PRUNE2: variants seen among roughly 807,000 people sequenced by gnomAD.
PRUNE2 encodes protein prune homolog 2.
A neutral mutation model predicts 252.0 loss-of-function variants in PRUNE2; 164 were observed. The ratio of observed to expected loss-of-function variants is 0.65; its 90% confidence interval spans 0.57 to 0.74. The LOEUF is 0.74. Among genes scored for constraint, PRUNE2 ranks in the 30% least tolerant of loss-of-function variants. The pLI, the probability that PRUNE2 is intolerant of heterozygous loss-of-function variation, is 0.00. For synonymous variants in PRUNE2, 1,292 were observed against 1,350.2 expected (o/e 0.96, Z 0.94); for missense variants, 3,495 against 3,711.0 (o/e 0.94, Z 1.51).
At chr9:76,700,428 T>C (rs2045781967) in intron 9 of PRUNE2, among the ~76,000 whole-genome samples, 1 of 152,172 alleles carries the variant, frequency 6.6e-6, no homozygotes, top group South Asian at 2.1e-4. Context: ...GCTATCTCAT[T>C]GTTTTGCTTC....
intron 6 of PRUNE2, among the ~76,000 whole-genome samples, chr9:76,791,903 C>T (rs1455493837): frequency 1.3e-5 from 2 of 152,036 alleles, no homozygotes; most frequent in South Asian, 2.1e-4. Context: ...GGGAGAGATG[C>T]TGGTAGGACC....
intron 6 of PRUNE2, among the ~76,000 whole-genome samples, chr9:76,820,839 C>T (rs1197925210): frequency 6.6e-6 from 1 of 152,136 alleles, no homozygotes; most frequent in Non-Finnish European, 1.5e-5. Context: ...AGCTAAGTGG[C>T]TTTGCTTTCC....
chr9:76,724,861 T>C (rs939185878), intron 6 of PRUNE2, among the ~76,000 whole-genome samples: 1 of 152,292 alleles, frequency 6.6e-6, no homozygotes, highest in South Asian at 2.1e-4. Context: ...AAGGGCCCCT[T>C]TTTGTTTCTG....
At chr9:76,716,444 T>C (rs2047159249) in intron 6 of PRUNE2, among the ~76,000 whole-genome samples, 1 of 152,312 alleles carries the variant, frequency 6.6e-6, no homozygotes, top group East Asian at 1.9e-4. Context: ...TTGATATATT[T>C]TCCTACAAAC....
At chr9:76,636,076 T>A (rs758293740) in intron 15 of PRUNE2, among the ~76,000 whole-genome samples, 4 of 152,232 alleles carry the variant, frequency 2.6e-5, no homozygotes, top group Non-Finnish European at 5.9e-5. Context: ...AGACATGATA[T>A]GGCTTCTGTT....
chr9:76,662,957 C>T (rs1465146888), intron 9 of PRUNE2, among the ~76,000 whole-genome samples: 4 of 152,258 alleles, frequency 2.6e-5, no homozygotes, highest in South Asian at 4.1e-4. Context: ...CAAACAAAAC[C>T]TTTCATGAGG....
chr9:76,810,621 A>C (rs547612401), intron 6 of PRUNE2, among the ~76,000 whole-genome samples: 30 of 152,356 alleles, frequency 2.0e-4, no homozygotes, highest in Admixed American at 1.5e-3. Flanking sequence ...ATGTCAATTA[A>C]GCAACAGTAA....
intron 9 of PRUNE2, among the ~76,000 whole-genome samples, chr9:76,670,504 T>G (rs1461586227): frequency 5.3e-5 from 8 of 151,706 alleles, no homozygotes; most frequent in Non-Finnish European, 7.4e-5. Flanking sequence ...CAGGCTTGAT[T>G]AGGTAAACAA....
chr9:76,787,330 A>G (rs1046864256), intron 6 of PRUNE2: 1 of 151,678 alleles, frequency 6.6e-6, no homozygotes, highest in Non-Finnish European at 1.5e-5. Context: ...TATAGTATCA[A>G]TTTATTTGAT....
At chr9:76,641,984 T>C in intron 12 of PRUNE2, 1 of 1,388,048 alleles carries the variant, frequency 7.2e-7, no homozygotes, top group Non-Finnish European at 9.5e-7. Flanking sequence ...GAATCTCCTA[T>C]AATGAAATAA....
intron 5 of PRUNE2, among the ~76,000 whole-genome samples, chr9:76,824,658 G>A (rs553578318): frequency 7.9e-5 from 12 of 152,250 alleles, no homozygotes; most frequent in South Asian, 6.2e-4. Context: ...ACATTATTAC[G>A]TCTGATTAGG....
At position 76,708,199 on chromosome 9, in the gene PRUNE2, C is replaced by CT; in HGVS notation, c.4074dup (p.Gly1359ArgfsTer4). ...GAAGACAGTTCCTGGTCACTCTGCC[C>CT]TTTTTCAGAAATCCCTGAGGCATTC... On this transcript the variant is annotated frameshift_variant, in exon 8 of 19. Transcript: ENST00000376718. LOFTEE classifies it high-confidence loss of function. 1 of 1,613,970 alleles carries CT rather than the reference C, an allele frequency of 6.2e-7. No individual in the cohort carries two copies. Among genetic ancestry groups the CT allele is most frequent in the Middle Eastern group, 1.6e-4 (1 of 6,062 alleles).
rs2046323853 is a variant in PRUNE2, at chr9:76,706,491, A to G, written c.5783T>C (p.Leu1928Ser). 1.2e-6 allele frequency: 2 copies of G among 1,613,846 alleles called. No individual in the cohort carries two copies. The highest frequency in any genetic ancestry group is 1.7e-6 in the Non-Finnish European group (2 of 1,179,886). ...TGAGTCCTTTTCTTTAATTTGGTCT[A>G]ATTTTACAAGCTGGCTGAACTTGTC... ...DADKFSQLVKLDQIKEKDSRE... is the reference protein window; with the variant it reads ...DADKFSQLVKSDQIKEKDSRE... Residue 1928 changes from leucine to serine, a missense_variant, in exon 8 of 19, where the codon TTA becomes TCA. Leu to Ser is a moderately radical substitution (Grantham distance 145). Coordinates refer to ENST00000376718, the MANE Select transcript of PRUNE2 (RefSeq NM_015225.3).
chr9:76,707,815 G>A lies in PRUNE2; in HGVS notation c.4459C>T (p.Arg1487Ter), dbSNP rs775336577. 24 of 1,613,230 alleles carry A rather than the reference G, an allele frequency of 1.5e-5. No homozygotes were observed. The highest frequency in any genetic ancestry group is 1.9e-5 in the Non-Finnish European group (23 of 1,179,630). ...GGGACGTCCCCAAAATCAAGACTTC[G>A]GGGAACTCTGTGAGGTGGCCCTCCA... Reference protein sequence around the residue: ...VGGGPPHRVPRSLDFGDVPID... With the variant: ...VGGGPPHRVP Residue 1487 changes from arginine to a stop codon, truncating the protein, a stop_gained, in exon 8 of 19, where the codon CGA becomes TGA. Transcript: ENST00000376718. LOFTEE classifies it high-confidence loss of function.
chr9:76,715,988 A>G (rs2047117931), intron 6 of PRUNE2, among the ~76,000 whole-genome samples: 1 of 149,702 alleles, frequency 6.7e-6, no homozygotes, highest in South Asian at 2.2e-4. Flanking sequence ...ATTTTTCGTT[A>G]TGTATATAAA....
chr9:76,661,252 T>C (rs536249134), intron 9 of PRUNE2, among the ~76,000 whole-genome samples: 1 of 152,256 alleles, frequency 6.6e-6, no homozygotes, highest in Admixed American at 6.5e-5. Context: ...TTATTATTTA[T>C]CATTATTGTT....
intron 4 of PRUNE2, among the ~76,000 whole-genome samples, chr9:76,831,533 C>T (rs1416480449): frequency 6.6e-6 from 1 of 151,688 alleles, no homozygotes; most frequent in African/African-American, 2.4e-5. Flanking sequence ...TTAATAGTAA[C>T]AAACTGAGGA....
intron 1 of PRUNE2, chr9:76,863,015 A>C (rs1337691001): frequency 6.6e-6 from 1 of 152,238 alleles, no homozygotes; most frequent in Non-Finnish European, 1.5e-5. Context: ...TGAGTGAATG[A>C]TGATAACATT....
chr9:76,780,009 A>G (rs1311807988), intron 6 of PRUNE2: 1 of 152,222 alleles, frequency 6.6e-6, no homozygotes, highest in Non-Finnish European at 1.5e-5. Flanking sequence ...AGTAAAATCC[A>G]TCGTCAGACA....
Sources: allele counts gnomAD v4.1 joint callset (sites outside exome capture counted in the v4.1 genomes callset), GRCh38; gene constraint gnomAD v4.1.1; transcripts MANE v1.5; gene names NCBI Gene and HGNC (gene_info 2026-07-23, HGNC 2026-07-21).